EIF5B: variants seen among roughly 807,000 people sequenced by gnomAD.
EIF5B encodes eukaryotic translation initiation factor 5B, also known as eIF-5B.
A neutral mutation model predicts 147.5 loss-of-function variants in EIF5B; 47 were observed. That is an observed-to-expected ratio of 0.32 (90% CI 0.25 to 0.41). The LOEUF (loss-of-function observed/expected upper bound fraction) is 0.41. Ranked by LOEUF, EIF5B falls within the 10% of genes least tolerant of loss-of-function variation. EIF5B has a pLI of 1.00. For missense variants in EIF5B, 1,064 were observed against 1,413.2 expected, an observed-to-expected ratio of 0.75 and a Z score of 3.96; for synonymous variants, 455 against 456.2, an observed-to-expected ratio of 1.00 and a Z score of 0.03.
intron 11 of EIF5B, 45 bp from the exon 12 acceptor site, chr2:99,379,273 T>C (rs776810441): frequency 4.5e-6 from 7 of 1,538,508 alleles, no homozygotes; most frequent in Non-Finnish European, 6.2e-6. Flanking sequence ...TGCTGCTATC[T>C]TTTCCATGTT....
At chr2:99,349,648 A>T (rs996707327) in intron 1 of EIF5B, among the ~76,000 whole-genome samples, 3 of 152,222 alleles carry the variant, frequency 2.0e-5, no homozygotes, top group Non-Finnish European at 4.4e-5. Flanking sequence ...TTTTTATACA[A>T]CTGGAAAAAT....
chr2:99,370,846 T>C (rs918678079), intron 8 of EIF5B, among the ~76,000 whole-genome samples: 1 of 152,232 alleles, frequency 6.6e-6, no homozygotes, highest in African/African-American at 2.4e-5. Context: ...TCTGGCTGTT[T>C]TGGGGTTATG....
At chr2:99,375,686 T>C (rs940368462) in intron 9 of EIF5B, among the ~76,000 whole-genome samples, 4 of 152,244 alleles carry the variant, frequency 2.6e-5, no homozygotes, top group African/African-American at 4.8e-5. Flanking sequence ...GACTTCAGTC[T>C]GGATTACTGC....
At chr2:99,362,140 A>G (rs913149205) in intron 4 of EIF5B, among the ~76,000 whole-genome samples, 4 of 152,196 alleles carry the variant, frequency 2.6e-5, no homozygotes, top group Non-Finnish European at 4.4e-5. Flanking sequence ...CTTTCTGATA[A>G]CTCAGTGTCA....
chr2:99,399,819 G>A lies in EIF5B; in HGVS notation c.*405G>A, dbSNP rs752020478. The A allele has an allele frequency of 3.3e-4, 52 of 156,894 alleles. No individual in the cohort carries two copies. Among genetic ancestry groups the A allele is most frequent in the Admixed American group, 2.0e-3 (32 of 15,966 alleles). The allele number at this position is 156,894 out of a possible 1,614,324, so 9.7% of individuals were successfully genotyped here. ...TTGTGATTCTTGGGACTTTTTTGAC[G>A]TAAGAAATACTTCTTTATTTATGCA... On this transcript the variant is annotated 3_prime_UTR_variant, in exon 24 of 24. Transcript: ENST00000289371.
At chr2:99,396,629 T>C (rs1675054369) in intron 21 of EIF5B, 131 bp from the exon 22 acceptor site, 8 of 1,145,866 alleles carry the variant, frequency 7.0e-6, no homozygotes, top group South Asian at 1.6e-5. Flanking sequence ...GCACCCTGCC[T>C]GCCCCTCTCC....
rs1165203240 is a variant in EIF5B at position 99,398,759 on chromosome 2, C to T, written c.3405C>T (p.Ile1135=). Residue 1135 remains isoleucine, a synonymous_variant, in exon 23 of 24, where the codon ATC becomes ATT. Coordinates refer to ENST00000289371, the MANE Select transcript of EIF5B (RefSeq NM_015904.4). ...MCVPSKNFVD[I]GIVTSIEINH... ...TTCTTATTTTATAGTTTGTTGACAT[C>T]GGAATAGTAACAAGTATTGAAATAA... 8.7e-6 allele frequency: 14 copies of T among 1,610,042 alleles called. No homozygotes were observed. Among genetic ancestry groups the T allele is most frequent in the South Asian group, 4.4e-5 (4 of 89,944 alleles).
At chr2:99,347,821 G>GT (rs1559243749) in intron 1 of EIF5B, among the ~76,000 whole-genome samples, 1 of 152,072 alleles carries the variant, frequency 6.6e-6, no homozygotes, top group East Asian at 1.9e-4. Flanking sequence ...AAACAATTTT[G>GT]GGGGGTAGGG....
intron 4 of EIF5B, 118 bp from the exon 5 acceptor site, chr2:99,363,527 T>C (rs936443061): frequency 2.0e-6 from 2 of 1,002,214 alleles, no homozygotes; most frequent in Non-Finnish European, 3.0e-6. Context: ...GAACTTAGCC[T>C]GCTGCTGGCA....
At chr2:99,347,640 CA>C (rs2094276121) in intron 1 of EIF5B, among the ~76,000 whole-genome samples, 1 of 151,952 alleles carries the variant, frequency 6.6e-6, no homozygotes, top group African/African-American at 2.4e-5. Flanking sequence ...TTGCCTCTTA[CA>C]ATGGATTTCT....
At chr2:99,374,305 A>AG (rs1674518425) in intron 9 of EIF5B, among the ~76,000 whole-genome samples, 1 of 151,878 alleles carries the variant, frequency 6.6e-6, no homozygotes, top group Non-Finnish European at 1.5e-5. Flanking sequence ...AAAAAAAAAA[A>AG]AAAAAGATAT....
chr2:99,389,621 A>C (rs1454300657), intron 14 of EIF5B, 97 bp from the exon 15 acceptor site: 5 of 1,171,840 alleles, frequency 4.3e-6, no homozygotes, highest in Non-Finnish European at 6.0e-6. Flanking sequence ...TGTTCTGTAT[A>C]TATGAGACAC....
chr2:99,362,404 C>T (rs928539075), intron 4 of EIF5B, among the ~76,000 whole-genome samples: 3 of 152,110 alleles, frequency 2.0e-5, no homozygotes, highest in African/African-American at 2.4e-5. Context: ...ATACTATATT[C>T]TTAAAACAGT....
At position 99,395,532 on chromosome 2, in the gene EIF5B, G is replaced by A. The variant is rs560770392; in HGVS notation, c.3254+649G>A. On this transcript the variant is annotated intron_variant, in intron 21 of 23. Transcript: ENST00000289371. ...GTATTTTTGGTAGAGATAGGGTTTC[G>A]CCATGTTGGCCAGGCTGGTCTTGAA... Among the ~76,000 whole-genome samples the A allele has an allele frequency of 3.9e-5, 6 of 152,070 alleles. No individual in the cohort carries two copies. The East Asian group carries it at 7.7e-4, about 20-fold the overall frequency.
intron 6 of EIF5B, among the ~76,000 whole-genome samples, chr2:99,366,214 T>C (rs1456553049): frequency 3.3e-5 from 5 of 152,224 alleles, no homozygotes; most frequent in Admixed American, 6.5e-5. Flanking sequence ...TCTAAACACA[T>C]ACAAGTCTTG....
At chr2:99,383,031 C>A in intron 14 of EIF5B, 110 bp downstream of exon 14, 1 of 1,098,034 alleles carries the variant, frequency 9.1e-7, no homozygotes, top group East Asian at 2.6e-5. Flanking sequence ...TATTGTGCTT[C>A]ACTATATTGT....
At chr2:99,339,997 T>G (rs970057140) in intron 1 of EIF5B, among the ~76,000 whole-genome samples, 6 of 152,178 alleles carry the variant, frequency 3.9e-5, no homozygotes, top group Non-Finnish European at 8.8e-5. Context: ...TTTAAAACAT[T>G]TATTTTCTCA....
chr2:99,339,359 G>A (rs1305361905), intron 1 of EIF5B, among the ~76,000 whole-genome samples: 1 of 151,812 alleles, frequency 6.6e-6, no homozygotes, highest in Non-Finnish European at 1.5e-5. Flanking sequence ...CTTTTCATCT[G>A]TAAATCCACC....
chr2:99,375,366 C>T (rs1674540507), intron 9 of EIF5B, among the ~76,000 whole-genome samples: 1 of 152,182 alleles, frequency 6.6e-6, no homozygotes, highest in African/African-American at 2.4e-5. Flanking sequence ...TAATCTTATT[C>T]TAGATTTAGA....
Sources: allele counts gnomAD v4.1 joint callset (sites outside exome capture counted in the v4.1 genomes callset), GRCh38; gene constraint gnomAD v4.1.1; transcripts MANE v1.5; gene names NCBI Gene and HGNC (gene_info 2026-07-23, HGNC 2026-07-21).